The following BTBD10 variants were observed in gnomAD, a reference collection of about 807,000 sequenced individuals.
BTBD10 encodes BTB domain containing 10.
In BTBD10, 21 loss-of-function variants were observed where a neutral mutation model predicts 53.2. The ratio of observed to expected loss-of-function variants is 0.39; its 90% CI spans 0.28 to 0.57. BTBD10 has a LOEUF of 0.57. Among genes scored for constraint, BTBD10 ranks in the 20% least tolerant of loss-of-function variants. BTBD10 has a pLI of 0.53. For synonymous variants in BTBD10, 149 were observed against 192.7 expected, an observed-to-expected ratio of 0.77 and a Z score of 1.88; for missense variants, 360 against 594.7, an observed-to-expected ratio of 0.61 and a Z score of 4.10.
chr11:13,452,488 T>A (rs1305557552), intron 1 of BTBD10, among the ~76,000 whole-genome samples: 2 of 152,172 alleles, frequency 1.3e-5, no homozygotes, highest in Admixed American at 1.3e-4. Context: ...TGATTTTAAT[T>A]AATACATAAA....
chr11:13,422,889 CT>C, intron 2 of BTBD10, among the ~76,000 whole-genome samples: 1 of 152,288 alleles, frequency 6.6e-6, no homozygotes, highest in South Asian at 2.1e-4. Flanking sequence ...CAGAAAGAAG[CT>C]TCCTCAGGAG....
chr11:13,395,657 T>G (rs954957092), intron 8 of BTBD10, among the ~76,000 whole-genome samples: 1 of 152,156 alleles, frequency 6.6e-6, no homozygotes, highest in African/African-American at 2.4e-5. Context: ...TCTTCTAGGG[T>G]TTTTATGGTT....
In BTBD10 at chr11:13,419,643, C is replaced by G. The variant is rs754954191; in HGVS notation, c.401G>C (p.Ser134Thr). 19 of 1,614,006 alleles carry G rather than the reference C, an allele frequency of 1.2e-5. No homozygotes were observed. The Admixed American group carries it at 2.8e-4, about 24-fold the overall frequency. Residue 134 changes from serine to threonine, a missense_variant, in exon 4 of 9, where the codon AGT (serine) becomes ACT (threonine). Ser to Thr is a moderately conservative substitution (Grantham distance 58). Coordinates refer to ENST00000278174, the MANE Select transcript of BTBD10 (RefSeq NM_032320.7). ...ISSAGNSSRN[S>T]SQSSSDGSCK... ...GCTACCATCTGAACTTGACTGACTACTGTTTCTGCTGCTGTTCCCAGCACT... is the reference window on the plus strand; with the variant it reads ...GCTACCATCTGAACTTGACTGACTAGTGTTTCTGCTGCTGTTCCCAGCACT...
intron 6 of BTBD10, among the ~76,000 whole-genome samples, chr11:13,412,547 A>G (rs954136429): frequency 2.0e-5 from 3 of 152,186 alleles, no homozygotes; most frequent in African/African-American, 7.2e-5. Flanking sequence ...TGGACAATCT[A>G]TTGGATCTAC....
Position 13,419,585 on chromosome 11 carries a change from A to G in BTBD10, c.459T>C (p.Tyr153=), listed in dbSNP as rs1307539501. The change falls in exon 4 of 9, where the codon TAT becomes TAC. Residue 153 remains tyrosine, a synonymous_variant. Transcript: ENST00000278174. ...TCCGAGCTCCTTCTTTTGCATTTTC[A>G]TATACAAACACCATCTCCCCAGCTG... is the stretch of plus-strand genomic sequence containing the variant. The part of the protein sequence containing the change: ...CKTAGEMVFV[Y]ENAKEGARNI... 4 of 1,614,058 alleles carry G rather than the reference A, an allele frequency of 2.5e-6. No homozygotes were observed. The highest frequency in any genetic ancestry group is 3.3e-5 in the Admixed American group (2 of 60,002).
Position 13,426,808 on chromosome 11 carries a change from G to A in BTBD10, c.102-4970C>T, listed in dbSNP as rs184686402. Reference sequence around the variant, plus strand: ...GAAGGCAAAGGAAAAAAGGGGTTGGGAGGAAGAAGGAAAAGGAACAAATGG... The same window carrying A: ...GAAGGCAAAGGAAAAAAGGGGTTGGAAGGAAGAAGGAAAAGGAACAAATGG... On this transcript the variant is annotated intron_variant, in intron 2 of 8. Transcript: ENST00000278174. 6.0e-4 allele frequency among the ~76,000 whole-genome samples: 92 copies of A among 152,226 alleles called. 2 individuals are homozygous for A. The highest frequency in any genetic ancestry group is 2.2e-3 in the African/African-American group (90 of 41,546).
intron 2 of BTBD10, among the ~76,000 whole-genome samples, chr11:13,437,648 C>T (rs1290845061): frequency 1.3e-5 from 2 of 152,140 alleles, no homozygotes; most frequent in African/African-American, 2.4e-5. Context: ...TATATTATAG[C>T]GTTGCTAGTC....
intron 6 of BTBD10, among the ~76,000 whole-genome samples, chr11:13,411,653 CACA>C (rs1412437810): frequency 1.3e-5 from 2 of 152,006 alleles, no homozygotes; most frequent in Non-Finnish European, 2.9e-5. Context: ...GTAAACTACG[CACA>C]ACAAAAGATT....
rs561813160 is a variant in BTBD10, at chr11:13,399,951, G to A, written c.1117+3217C>T. Among the ~76,000 whole-genome samples the A allele has an allele frequency of 8.5e-5, 13 of 152,296 alleles. No individual in the cohort carries two copies. The East Asian group carries it at 9.7e-4, about 11-fold the overall frequency. ...ACCCGGCCGTGTGAGGTGTCAGTCC[G>A]CCCCTACTGGGGGGTGCCTCCCAGT... On this transcript the variant is annotated intron_variant, in intron 8 of 8. Transcript: ENST00000278174.
chr11:13,405,500 C>T (rs960814364), intron 7 of BTBD10, 159 bp downstream of exon 7: 1 of 705,458 alleles, frequency 1.4e-6, no homozygotes. Context: ...GCCACTGTAG[C>T]ATGAAAGCAG....
Position 13,417,164 on chromosome 11 carries a change from C to G in BTBD10, c.681G>C (p.Ala227=), listed in dbSNP as rs201616431. The G allele has an allele frequency of 7.5e-6, 12 of 1,610,400 alleles. No homozygotes were observed. The highest frequency in any genetic ancestry group is 2.2e-5 in the South Asian group (2 of 90,716). The change falls in exon 5 of 9, where the codon GCG becomes GCC. Residue 227 remains alanine (A), a synonymous_variant. Coordinates refer to ENST00000278174, the MANE Select transcript of BTBD10 (RefSeq NM_032320.7). ...ACTCATAAGAAACACTCACCAGAAT[C>G]GCTCGAAACACAGTGGAACCAATTC... ...AEGIGSTVFR[A]ILDYYKTGII... is the part of the protein sequence containing the mutation.
At chr11:13,398,555 A>G (rs1949622978) in intron 8 of BTBD10, among the ~76,000 whole-genome samples, 1 of 152,148 alleles carries the variant, frequency 6.6e-6, no homozygotes, top group Non-Finnish European at 1.5e-5. Flanking sequence ...TAATGTTAAT[A>G]TTGTTATGTG....
chr11:13,395,356 T>G (rs563727086), intron 8 of BTBD10, among the ~76,000 whole-genome samples: 352 of 152,354 alleles, frequency 2.3e-3, no homozygotes, highest in African/African-American at 7.4e-3. Context: ...GAGAAGTGTC[T>G]GTTCATATCC....
intron 8 of BTBD10, among the ~76,000 whole-genome samples, chr11:13,400,193 A>C (rs1285550353): frequency 6.6e-6 from 1 of 152,230 alleles, no homozygotes; most frequent in Non-Finnish European, 1.5e-5. Context: ...GGTGGGCTCC[A>C]CCCAGTTCGA....
At chr11:13,460,572 A>G (rs1002742323) in intron 1 of BTBD10, among the ~76,000 whole-genome samples, 1 of 152,260 alleles carries the variant, frequency 6.6e-6, no homozygotes, top group Non-Finnish European at 1.5e-5. Context: ...AGTTTAATCA[A>G]TTAATATACC....
At chr11:13,396,239 TG>T (rs555389394) in intron 8 of BTBD10, among the ~76,000 whole-genome samples, 40 of 152,316 alleles carry the variant, frequency 2.6e-4, no homozygotes, top group African/African-American at 9.1e-4. Context: ...TAGTTCTCCT[TG>T]AAGAGGTCCT....
At chr11:13,419,150 T>C (rs1472052849) in intron 4 of BTBD10, among the ~76,000 whole-genome samples, 2 of 152,212 alleles carry the variant, frequency 1.3e-5, no homozygotes, top group Admixed American at 6.5e-5. Context: ...ATTCACCTGG[T>C]TGGATTCAAT....
chr11:13,456,533 C>A (rs1950971885), intron 1 of BTBD10, among the ~76,000 whole-genome samples: 1 of 152,148 alleles, frequency 6.6e-6, no homozygotes. Context: ...AAAGCCTTTC[C>A]TATTTGCCTA....
intron 7 of BTBD10, 101 bp downstream of exon 7, chr11:13,405,558 G>A: frequency 7.8e-7 from 1 of 1,279,086 alleles, no homozygotes; most frequent in East Asian, 2.3e-5. Context: ...GTGATGGGCT[G>A]GATTGACCCC....
Sources: allele counts gnomAD v4.1 joint callset (sites outside exome capture counted in the v4.1 genomes callset), GRCh38; gene constraint gnomAD v4.1.1; transcripts MANE v1.5; gene names NCBI Gene and HGNC (gene_info 2026-07-23, HGNC 2026-07-21).